CTNNA3: variants seen among roughly 807,000 people sequenced by gnomAD.
CTNNA3 encodes the protein catenin alpha 3.
CTNNA3 carries 76 observed loss-of-function variants against 95.7 expected under a neutral mutation model. The observed-to-expected ratio is 0.79, with a 90% CI of 0.66 to 0.96. CTNNA3 has a LOEUF of 0.96. CTNNA3 is among the 40% of genes least tolerant of loss of function. The pLI, the probability that CTNNA3 is intolerant of heterozygous loss-of-function variation, is 0.00. For synonymous variants in CTNNA3, 431 were observed against 374.4 expected, an observed-to-expected ratio of 1.15 and a Z score of -1.74; for missense variants, 1,191 against 1,089.8, an observed-to-expected ratio of 1.09 and a Z score of -1.31.
intron 17 of CTNNA3, among the ~76,000 whole-genome samples, chr10:65,932,229 C>T (rs184677633): frequency 3.7e-4 from 57 of 152,220 alleles, no homozygotes; most frequent in Admixed American, 3.5e-3. Flanking sequence ...AAGGACAGAA[C>T]GTGAGGATCC....
At chr10:66,810,540 C>G (rs1234930000) in intron 7 of CTNNA3, among the ~76,000 whole-genome samples, 1 of 152,188 alleles carries the variant, frequency 6.6e-6, no homozygotes, top group Non-Finnish European at 1.5e-5. Context: ...ATCTCTATCT[C>G]TTTGCCCACA....
chr10:66,087,685 G>A (rs1471895685), intron 14 of CTNNA3, among the ~76,000 whole-genome samples: 2 of 152,208 alleles, frequency 1.3e-5, no homozygotes, highest in East Asian at 3.9e-4. Flanking sequence ...ATAATCATCA[G>A]CAACAGAACT....
chr10:67,182,949 C>T (rs1345897502), intron 6 of CTNNA3, among the ~76,000 whole-genome samples: 1 of 152,200 alleles, frequency 6.6e-6, no homozygotes, highest in East Asian at 1.9e-4. Flanking sequence ...TGCTCATCAT[C>T]ACTGGCCATC....
chr10:66,060,143 C>T (rs2080165229), intron 15 of CTNNA3, among the ~76,000 whole-genome samples: 1 of 151,908 alleles, frequency 6.6e-6, no homozygotes. Context: ...GTCTTCTGCT[C>T]ACATCAGGGA....
At chr10:66,398,308 T>C (rs1589192940) in intron 11 of CTNNA3, among the ~76,000 whole-genome samples, 2 of 151,908 alleles carry the variant, frequency 1.3e-5, no homozygotes, top group African/African-American at 4.8e-5. Flanking sequence ...ATAGTTCTCT[T>C]ATTTCCTAAT....
intron 1 of CTNNA3, among the ~76,000 whole-genome samples, chr10:67,723,211 T>G (rs1841190350): frequency 6.6e-6 from 1 of 152,098 alleles, no homozygotes; most frequent in South Asian, 2.1e-4. Context: ...GGTCTTGAAC[T>G]CCTGACCTCA....
chr10:66,049,553 C>T (rs1287462440), intron 15 of CTNNA3, among the ~76,000 whole-genome samples: 1 of 152,158 alleles, frequency 6.6e-6, no homozygotes, highest in Non-Finnish European at 1.5e-5. Flanking sequence ...AAATGCCCAT[C>T]AGTGACAGAC....
At chr10:66,690,529 C>T (rs10822878) in intron 9 of CTNNA3, among the ~76,000 whole-genome samples, 37,085 of 148,508 alleles carry the variant, frequency 0.25, 5,454 homozygotes, top group African/African-American at 0.39. Flanking sequence ...CCTGTGTCCA[C>T]GTGTTCTCAT....
At chr10:66,600,701 A>G (rs1335388558) in intron 10 of CTNNA3, among the ~76,000 whole-genome samples, 2 of 151,884 alleles carry the variant, frequency 1.3e-5, no homozygotes, top group Non-Finnish European at 2.9e-5. Context: ...AGCCTGTTTT[A>G]ATAATAAAGT....
chr10:67,183,506 A>C (rs1031503797), intron 6 of CTNNA3, among the ~76,000 whole-genome samples: 10 of 151,026 alleles, frequency 6.6e-5, no homozygotes, highest in Non-Finnish European at 1.3e-4. Flanking sequence ...ACATGGACAC[A>C]GGAAGGGGAA....
intron 5 of CTNNA3, among the ~76,000 whole-genome samples, chr10:67,246,438 G>T (rs1705026935): frequency 6.6e-6 from 1 of 152,104 alleles, no homozygotes; most frequent in Non-Finnish European, 1.5e-5. Context: ...ACCCCAGAAG[G>T]TTGGTGTTTG....
chr10:66,819,092 T>TAAAAAA (rs35494489), intron 7 of CTNNA3, among the ~76,000 whole-genome samples: 1 of 110,698 alleles, frequency 9.0e-6, no homozygotes, highest in Non-Finnish European at 1.8e-5. Flanking sequence ...ACTCTTGTCT[T>TAAAAAA]AAAAAAAAAA....
chr10:67,332,251 T>A (rs1442825088), intron 5 of CTNNA3, among the ~76,000 whole-genome samples: 1 of 152,206 alleles, frequency 6.6e-6, no homozygotes. Flanking sequence ...TTCATGCTTT[T>A]GAAACTTTAT....
At chr10:66,861,402 A>G (rs1843921221) in intron 7 of CTNNA3, among the ~76,000 whole-genome samples, 1 of 152,110 alleles carries the variant, frequency 6.6e-6, no homozygotes, top group Non-Finnish European at 1.5e-5. Context: ...GTTCACTGAC[A>G]TATTAAAACT....
chr10:66,287,529 C>A (rs2091609816), intron 12 of CTNNA3, among the ~76,000 whole-genome samples: 1 of 151,898 alleles, frequency 6.6e-6, no homozygotes, highest in Admixed American at 6.6e-5. Context: ...TAAGAATAAC[C>A]ACCCTGAGAC....
intron 5 of CTNNA3, among the ~76,000 whole-genome samples, chr10:67,237,916 T>C (rs2132323600): frequency 6.6e-6 from 1 of 152,298 alleles, no homozygotes; most frequent in South Asian, 2.1e-4. Flanking sequence ...AATAAGTGCC[T>C]GAACACTATT....
At chr10:66,800,150 A>C (rs1380737532) in intron 7 of CTNNA3, among the ~76,000 whole-genome samples, 2 of 151,370 alleles carry the variant, frequency 1.3e-5, no homozygotes, top group Non-Finnish European at 3.0e-5. Context: ...TACAAATCAA[A>C]AAGACATTTA....
intron 7 of CTNNA3, among the ~76,000 whole-genome samples, chr10:67,012,680 C>G (rs1324066758): frequency 6.6e-6 from 1 of 152,030 alleles, no homozygotes; most frequent in African/African-American, 2.4e-5. Flanking sequence ...ATTGGTTGTC[C>G]TCTTAACTTG....
At chr10:67,000,871 G>A (rs1851645970) in intron 7 of CTNNA3, among the ~76,000 whole-genome samples, 1 of 152,118 alleles carries the variant, frequency 6.6e-6, no homozygotes, top group South Asian at 2.1e-4. Flanking sequence ...TCTAGCCAAA[G>A]TCAATTACTC....
Sources: allele counts gnomAD v4.1 joint callset (sites outside exome capture counted in the v4.1 genomes callset), GRCh38; gene constraint gnomAD v4.1.1; transcripts MANE v1.5; gene names NCBI Gene and HGNC (gene_info 2026-07-23, HGNC 2026-07-21).